Variants in SYNDIG1L observed in about 807,000 individuals in gnomAD.
SYNDIG1L encodes synapse differentiation-inducing gene protein 1-like.
Under a neutral mutation model 20.1 loss-of-function variants are expected in SYNDIG1L, and 13 were observed. That is an observed-to-expected ratio of 0.65 (90% CI 0.42 to 1.03). SYNDIG1L has a LOEUF of 1.03. Among genes scored for constraint, SYNDIG1L ranks in the 50% least tolerant of loss-of-function variants. SYNDIG1L has a pLI of 0.00. For missense variants in SYNDIG1L, 294 were observed against 305.1 expected (o/e 0.96, Z 0.27); for synonymous variants, 128 against 129.3 (o/e 0.99, Z 0.07).
At chr14:74,427,895 G>A (rs143891989), upstream of SYNDIG1L, among the ~76,000 whole-genome samples, 1 of 152,342 alleles carries the variant, frequency 6.6e-6, no homozygotes, top group African/African-American at 2.4e-5. Context: ...CTTGGCCTTG[G>A]CCTCCCTCTG....
the SYNDIG1L span, among the ~76,000 whole-genome samples, chr14:74,469,975 A>G: frequency 6.6e-6 from 1 of 152,122 alleles, no homozygotes; most frequent in African/African-American, 2.4e-5. Context: ...CCAGATTGCA[A>G]TTTCAAGTGG....
At chr14:74,430,857 T>A (rs2139637171), upstream of SYNDIG1L, among the ~76,000 whole-genome samples, 1 of 152,376 alleles carries the variant, frequency 6.6e-6, no homozygotes, top group East Asian at 1.9e-4. Flanking sequence ...TTTTGAAGCA[T>A]CTGCTTTGCC....
At chr14:74,417,906 C>T (rs763287105) in intron 1 of SYNDIG1L, among the ~76,000 whole-genome samples, 1 of 151,986 alleles carries the variant, frequency 6.6e-6, no homozygotes, top group Non-Finnish European at 1.5e-5. Flanking sequence ...CCTAGATAAC[C>T]CCAAGGGTCT....
chr14:74,457,031 C>T, the SYNDIG1L span, among the ~76,000 whole-genome samples: 224 of 152,288 alleles, frequency 1.5e-3, 2 homozygotes, highest in Non-Finnish European at 1.7e-3. Context: ...CCACAACGGT[C>T]TGAGTGTTAT....
rs116834070 is a variant in SYNDIG1L, at chr14:74,407,943, G to A, written c.464C>T (p.Thr155Met). Residue 155 changes from threonine (T) to methionine (M), a missense_variant, in exon 3 of 4, where the codon ACG becomes ATG. Physicochemically the swap from Thr to Met is moderately conservative, Grantham distance 81. Coordinates refer to ENST00000331628, the MANE Select transcript of SYNDIG1L (RefSeq NM_001105579.2). ...TCCCAGGTGGTCCCTGGGAGGCAGC[G>A]TGAGGAAGTTGTCTTCACTTTCACT... Reference protein sequence around the residue: ...TESESEDNFLTLPPRDHLGLT... With the variant: ...TESESEDNFLMLPPRDHLGLT... 303 of 1,613,780 alleles carry A rather than the reference G, an allele frequency of 1.9e-4. 1 individual carries two copies. The African/African-American group carries it at 3.7e-3, about 20-fold the overall frequency.
intron 1 of SYNDIG1L, among the ~76,000 whole-genome samples, chr14:74,423,162 C>T (rs1341950004): frequency 6.6e-6 from 1 of 152,058 alleles, no homozygotes; most frequent in Non-Finnish European, 1.5e-5. Flanking sequence ...AAGGAGGGAA[C>T]AAGAGGGGAA....
At chr14:74,408,768 T>A (rs2086106225) in intron 2 of SYNDIG1L, among the ~76,000 whole-genome samples, 1 of 152,136 alleles carries the variant, frequency 6.6e-6, no homozygotes, top group Non-Finnish European at 1.5e-5. Context: ...CAAGATTTCT[T>A]CTGGGGAGTG....
chr14:74,476,622 T>C, the SYNDIG1L span: 1 of 1,495,308 alleles, frequency 6.7e-7, no homozygotes, highest in Non-Finnish European at 9.0e-7. Flanking sequence ...TCACTGTTCT[T>C]CTGCCCCAGT....
intron 1 of SYNDIG1L, among the ~76,000 whole-genome samples, chr14:74,413,509 A>G (rs529013067): frequency 4.2e-4 from 63 of 151,796 alleles, no homozygotes; most frequent in Non-Finnish European, 8.5e-4. Context: ...TGTAATCTCA[A>G]CTCCGCCAAA....
chr14:74,410,797 A>T lies in SYNDIG1L; in HGVS notation c.-57-996T>A, dbSNP rs573658876. Among the ~76,000 whole-genome samples the T allele has an allele frequency of 1.2e-4, 19 of 152,232 alleles. No individual in the cohort carries two copies. In the East Asian group the frequency reaches 2.3e-3, roughly 19 times the overall value. On this transcript the variant is annotated intron_variant, in intron 1 of 3. Coordinates refer to ENST00000331628, the MANE Select transcript of SYNDIG1L (RefSeq NM_001105579.2). ...CTGAGGGAGGATGCTTGTCCCTAGC[A>T]ATGGTCTTAGAGGGATACACCTTAG...
At chr14:74,436,531 G>A in the SYNDIG1L span, among the ~76,000 whole-genome samples, 2 of 151,924 alleles carry the variant, frequency 1.3e-5, no homozygotes, top group Non-Finnish European at 2.9e-5. Flanking sequence ...GAGCCACCAC[G>A]TCTGGCCAAC....
the SYNDIG1L span, chr14:74,479,220 C>T: frequency 6.6e-6 from 1 of 152,172 alleles, no homozygotes; most frequent in African/African-American, 2.4e-5. Context: ...CATCACTGTC[C>T]CCTGGTGGTT....
At chr14:74,469,416 T>A in the SYNDIG1L span, among the ~76,000 whole-genome samples, 1 of 151,040 alleles carries the variant, frequency 6.6e-6, no homozygotes, top group Non-Finnish European at 1.5e-5. Flanking sequence ...AAATACCTAA[T>A]GTAAATGACA....
At chr14:74,445,014 T>C in the SYNDIG1L span, among the ~76,000 whole-genome samples, 317 of 152,302 alleles carry the variant, frequency 2.1e-3, no homozygotes, top group African/African-American at 7.3e-3. Context: ...ATCCCCAGTG[T>C]TGGAGGTGGG....
the SYNDIG1L span, among the ~76,000 whole-genome samples, chr14:74,459,671 T>C: frequency 6.6e-6 from 1 of 152,188 alleles, no homozygotes; most frequent in Non-Finnish European, 1.5e-5. Context: ...TGGGGGGACA[T>C]GCAGCCCCTT....
the SYNDIG1L span, among the ~76,000 whole-genome samples, chr14:74,465,179 T>C: frequency 6.6e-6 from 1 of 152,204 alleles, no homozygotes; most frequent in Non-Finnish European, 1.5e-5. Flanking sequence ...GTAGTGGTGC[T>C]GATGAGGTGC....
At chr14:74,433,602 C>A in the SYNDIG1L span, among the ~76,000 whole-genome samples, 1 of 152,134 alleles carries the variant, frequency 6.6e-6, no homozygotes, top group Admixed American at 6.5e-5. Context: ...CCAGGGTGGT[C>A]TTGAACTCCT....
rs1017237618 is a variant in SYNDIG1L at position 74,414,215 on chromosome 14, C to T, written c.-57-4414G>A. The stretch of plus-strand genomic sequence containing the variant: ...ACCTACGGGTGAGTGTGCCCACACT[C>T]GTGTGTGTTTGTTTGTGTATGCATG... On this transcript the variant is annotated intron_variant, in intron 1 of 3. Coordinates refer to ENST00000331628, the MANE Select transcript of SYNDIG1L (RefSeq NM_001105579.2). 3.3e-5 allele frequency among the ~76,000 whole-genome samples: 5 copies of T among 152,126 alleles called. No homozygotes were observed. In the South Asian group the frequency reaches 1.0e-3, roughly 32 times the overall value.
the SYNDIG1L span, among the ~76,000 whole-genome samples, chr14:74,468,879 T>C: frequency 2.0e-5 from 3 of 152,196 alleles, no homozygotes; most frequent in African/African-American, 7.2e-5. Context: ...AATAATTGTC[T>C]ATCTCCTCCC....
Sources: gnomAD v4.1 joint callset for allele counts (sites outside exome capture counted in the v4.1 genomes callset) on GRCh38, gnomAD v4.1.1 for gene constraint, MANE v1.5 for transcripts, NCBI Gene and HGNC (gene_info 2026-07-23, HGNC 2026-07-21) for gene names.